Variants in GRM4 observed in about 807,000 individuals in gnomAD.
The protein encoded by GRM4 is metabotropic glutamate receptor 4.
In GRM4, 28 loss-of-function variants were observed where a neutral mutation model predicts 81.7. The observed-to-expected ratio is 0.34, with a 90% CI of 0.25 to 0.47. GRM4 has a LOEUF of 0.47. Among genes scored for constraint, GRM4 ranks in the 20% least tolerant of loss-of-function variants. The probability of loss-of-function intolerance (pLI) is 1.00; values close to 1 mark genes in which losing one functional copy is unlikely to be tolerated. For missense variants in GRM4, 948 were observed against 1,290.0 expected (o/e 0.73, Z 4.06); for synonymous variants, 488 against 528.8 (o/e 0.92, Z 1.06).
At chr6:34,073,531 T>C (rs1221334400) in intron 3 of GRM4, among the ~76,000 whole-genome samples, 1 of 150,812 alleles carries the variant, frequency 6.6e-6, no homozygotes, top group Non-Finnish European at 1.5e-5. Context: ...GAGTCACAAA[T>C]ACACCACACA....
chr6:34,152,284 C>G lies in GRM4; in HGVS notation c.312+2795G>C, dbSNP rs1561841330. ...AGCCTGGAGGAGCCCGCATCCCACT[C>G]AGGCCACCTCCAAGCCTGGCTGCTG... On this transcript the variant is annotated intron_variant, in intron 1 of 8. Coordinates refer to the GRM4 transcript ENST00000374177. This position sits in a 1 kb window ranked among gnomAD's most constrained non-coding sequence, Gnocchi z 4.1. Among the ~76,000 whole-genome samples the G allele has an allele frequency of 6.6e-6, 1 of 152,218 alleles. No homozygotes were observed. Among genetic ancestry groups the G allele is most frequent in the Non-Finnish European group, 1.5e-5 (1 of 68,038 alleles).
Position 34,152,175 on chromosome 6 carries a change from C to T in GRM4, c.312+2904G>A, listed in dbSNP as rs906661379. On this transcript the variant is annotated intron_variant, in intron 1 of 8. Transcript: ENST00000374177. This position sits in a 1 kb window ranked among gnomAD's most constrained non-coding sequence, Gnocchi z 4.1. ...GGTTCTACTTAGGAAACTCCATGGA[C>T]AATGTTTGCTCCTTCCCAAGCAGGA... Among the ~76,000 whole-genome samples, 1 of 152,152 alleles carries T rather than the reference C, an allele frequency of 6.6e-6. No homozygotes were observed. The highest frequency in any genetic ancestry group is 2.4e-5 in the African/African-American group (1 of 41,440).
rs745427399 is a variant in GRM4 at position 34,035,784 on chromosome 6, C to T, written c.2326G>A (p.Gly776Ser). Reference sequence around the variant, plus strand: ...GCCTCATTGAAGGTCTCGGGCACGCCGCGTGTCTTGATGGCATACACGGTG... The same window carrying T: ...GCCTCATTGAAGGTCTCGGGCACGCTGCGTGTCTTGATGGCATACACGGTG... ...TCTVYAIKTRGVPETFNEAKP... is the reference protein window; with the variant it reads ...TCTVYAIKTRSVPETFNEAKP... The change falls in exon 9 of 11, where the codon GGC becomes AGC. Residue 776 changes from glycine to serine, a missense_variant. Transcript: ENST00000538487. This position sits in a 1 kb window ranked among gnomAD's most constrained non-coding sequence, Gnocchi z 6.6. The T allele has an allele frequency of 2.6e-5, 42 of 1,613,534 alleles. No individual in the cohort carries two copies. Among genetic ancestry groups the T allele is most frequent in the African/African-American group, 1.9e-4 (14 of 74,916 alleles).
At position 34,059,095 on chromosome 6, in the gene GRM4, C is replaced by T. The variant is rs764355872; in HGVS notation, c.906G>A (p.Gln302=). Residue 302 remains glutamine, a synonymous_variant, in exon 5 of 11, where the codon CAG becomes CAA. Coordinates refer to ENST00000538487, the MANE Select transcript of GRM4 (RefSeq NM_000841.4). This position sits in a 1 kb window ranked among gnomAD's most constrained non-coding sequence, Gnocchi z 5.7. ...AGCCCATCCAGAAGAAATGGCCTGT[C>T]TGGTTGGCCCTTCGTGCTGCCTCCA... ...RVLEAARRAN[Q]TGHFFWMGSD... is the part of the protein sequence containing the mutation. The T allele has an allele frequency of 9.3e-6, 15 of 1,613,798 alleles. No homozygotes were observed. The African/African-American group carries it at 1.7e-4, about 19-fold the overall frequency.
intron 2 of GRM4, among the ~76,000 whole-genome samples, chr6:34,122,251 CA>C (rs945681362): frequency 8.6e-5 from 13 of 151,988 alleles, no homozygotes; most frequent in East Asian, 2.0e-4. Context: ...CAACAGGCAC[CA>C]GGGGGAAGAA....
At chr6:34,105,552 A>G (rs1041380305) in intron 2 of GRM4, among the ~76,000 whole-genome samples, 33 of 151,676 alleles carry the variant, frequency 2.2e-4, no homozygotes, top group Admixed American at 2.1e-3. Flanking sequence ...CCTCTCCCTG[A>G]TCCGACCCTG....
At chr6:34,079,579 A>G (rs1767479649) in intron 3 of GRM4, among the ~76,000 whole-genome samples, 1 of 152,206 alleles carries the variant, frequency 6.6e-6, no homozygotes, top group Non-Finnish European at 1.5e-5. Flanking sequence ...CACTTCACAG[A>G]TGAGGCCCCA....
rs1763894832 is a variant in GRM4 at position 34,022,009 on chromosome 6, A to ATGGG, written c.*811_*812insCCCA. ...GGCAGGCGGGCAAGACAGACGGCAG[A>ATGGG]CGGGCGGGGCAGGCGGGCAAGACAC... On this transcript the variant is annotated 3_prime_UTR_variant, in exon 11 of 11. Coordinates refer to ENST00000538487, the MANE Select transcript of GRM4 (RefSeq NM_000841.4). This position sits in a 1 kb window ranked among gnomAD's most constrained non-coding sequence, Gnocchi z 5.6. 6.5e-6 allele frequency: 1 copy of ATGGG among 153,656 alleles called. No homozygotes were observed. The highest frequency in any genetic ancestry group is 2.4e-5 in the African/African-American group (1 of 41,112). The allele number at this position is 153,656 out of a possible 1,614,324, so 9.5% of individuals were successfully genotyped here.
upstream of GRM4, among the ~76,000 whole-genome samples, chr6:34,148,642 G>A (rs933846746): frequency 7.9e-5 from 12 of 152,194 alleles, no homozygotes; most frequent in African/African-American, 2.9e-4. Flanking sequence ...GCTCTGACTG[G>A]GAAGAGTTGG....
chr6:34,112,028 G>A (rs902210), intron 2 of GRM4, among the ~76,000 whole-genome samples: 3,063 of 152,242 alleles, frequency 0.02, 76 homozygotes, highest in African/African-American at 0.062. Context: ...GTAGTGGAAG[G>A]GGGGGACATG....
chr6:34,088,836 G>A (rs1238169553), intron 3 of GRM4, among the ~76,000 whole-genome samples: 2 of 152,236 alleles, frequency 1.3e-5, no homozygotes, highest in Non-Finnish European at 2.9e-5. Flanking sequence ...GCTCAGTCAA[G>A]GGCCACAGGA....
In GRM4 at chr6:34,069,751, T is replaced by C. The variant is rs963563819; in HGVS notation, c.737-7723A>G. ...CTGATGCACCCAGTGAATTTGGATT[T>C]ACTGCAACATCCAGGACTGCCCCAG... On this transcript the variant is annotated intron_variant, in intron 3 of 10. Transcript: ENST00000538487. The surrounding 1 kb of genome is among the most constrained non-coding windows in gnomAD (Gnocchi z 6.4). Among the ~76,000 whole-genome samples the C allele has an allele frequency of 1.3e-5, 2 of 151,914 alleles. No homozygotes were observed. Among genetic ancestry groups the C allele is most frequent in the East Asian group, 3.9e-4 (2 of 5,166 alleles).
At position 34,136,177 on chromosome 6, in the gene GRM4, T is replaced by C. The variant is rs914813; in HGVS notation, c.-363-2318A>G. ...AATCCCCACATCCCTATGAGCTTCATGGTATTTTTATCCCTATCTCACAGA... is the reference window on the plus strand; with the variant it reads ...AATCCCCACATCCCTATGAGCTTCACGGTATTTTTATCCCTATCTCACAGA... On this transcript the variant is annotated intron_variant, in intron 1 of 10. Coordinates refer to ENST00000538487, the MANE Select transcript of GRM4 (RefSeq NM_000841.4). This position sits in a 1 kb window ranked among gnomAD's most constrained non-coding sequence, Gnocchi z 4.1. Among the ~76,000 whole-genome samples the C allele has an allele frequency of 0.36, 54,147 of 152,058 alleles. 9,902 individuals are homozygous for C. Among genetic ancestry groups the C allele is most frequent in the East Asian group, 0.48 (2,457 of 5,156 alleles).
Position 34,022,854 on chromosome 6 carries a change from C to G in GRM4, c.2706G>C (p.Gln902His), listed in dbSNP as rs575885682. ...CATGGTTGGTGTAAGTGACGTAAGTCTGTTTGGTGGCCAGCGCTGGAAGGA... is the reference window on the plus strand; with the variant it reads ...CATGGTTGGTGTAAGTGACGTAAGTGTGTTTGGTGGCCAGCGCTGGAAGGA... ...NLEAPALATK[Q>H]TYVTYTNHAI Residue 902 changes from glutamine (Q) to histidine (H), a missense_variant, in exon 11 of 11, where the codon CAG (glutamine) becomes CAC (histidine). By Grantham distance (24) the Gln-to-His change is conservative. Transcript: ENST00000538487. The surrounding 1 kb of genome is among the most constrained non-coding windows in gnomAD (Gnocchi z 5.6). 74 of 1,614,040 alleles carry G rather than the reference C, an allele frequency of 4.6e-5. 1 individual carries two copies. The South Asian group carries it at 7.6e-4, about 17-fold the overall frequency.
chr6:34,029,276 C>T (rs1278875154), intron 9 of GRM4, among the ~76,000 whole-genome samples: 1 of 152,194 alleles, frequency 6.6e-6, no homozygotes. Context: ...GAGCCTGGGT[C>T]CTGCCCTGGT....
chr6:34,111,688 T>TG lies in GRM4; in HGVS notation c.520-19590dup, dbSNP rs1273776249. Reference sequence around the variant, plus strand: ...GGTGGGCAAGAGCTGATGGGCTGGGTGGGGGTCAGAATGGGCAGCAGCCAG... The same window carrying TG: ...GGTGGGCAAGAGCTGATGGGCTGGGTGGGGGGTCAGAATGGGCAGCAGCCAG... On this transcript the variant is annotated intron_variant, in intron 2 of 10. Transcript: ENST00000538487. This position sits in a 1 kb window ranked among gnomAD's most constrained non-coding sequence, Gnocchi z 5.1. Among the ~76,000 whole-genome samples, 1 of 151,876 alleles carries TG rather than the reference T, an allele frequency of 6.6e-6. No individual in the cohort carries two copies. Among genetic ancestry groups the TG allele is most frequent in the Non-Finnish European group, 1.5e-5 (1 of 67,936 alleles).
intron 2 of GRM4, among the ~76,000 whole-genome samples, chr6:34,108,577 C>T (rs1203002511): frequency 6.6e-6 from 1 of 152,210 alleles, no homozygotes; most frequent in Non-Finnish European, 1.5e-5. Context: ...GTGGCTGCCT[C>T]CTATGATCCT....
intron 1 of GRM4, among the ~76,000 whole-genome samples, chr6:34,153,790 G>A (rs1260938292): frequency 6.6e-6 from 1 of 152,198 alleles, no homozygotes; most frequent in African/African-American, 2.4e-5. Context: ...AGCCAGGCGT[G>A]GTGGCACATG....
chr6:34,129,007 T>C (rs73415068), intron 2 of GRM4, among the ~76,000 whole-genome samples: 13,365 of 147,244 alleles, frequency 0.091, 1,147 homozygotes, highest in African/African-American at 0.22. Context: ...ACAATGACTT[T>C]TCAGGAAAAG....
Sources: allele counts gnomAD v4.1 joint callset (sites outside exome capture counted in the v4.1 genomes callset), GRCh38; gene constraint gnomAD v4.1.1; non-coding constraint Gnocchi (gnomAD v3.1); transcripts MANE v1.5; gene names NCBI Gene and HGNC (gene_info 2026-07-23, HGNC 2026-07-21).